The following MTMR8 variants were observed in gnomAD, a reference collection of about 807,000 sequenced individuals.
MTMR8 encodes the protein myotubularin related protein 8.
Under a neutral mutation model 39.3 loss-of-function variants are expected in MTMR8, and 65 were observed. That is an observed-to-expected ratio of 1.65 (90% CI 1.35 to 2.03). The LOEUF (loss-of-function observed/expected upper bound fraction) is 2.03. Among genes scored for constraint, MTMR8 ranks in the 30% most tolerant of loss-of-function variants. The pLI, the probability that MTMR8 is intolerant of heterozygous loss-of-function variation, is 0.00. For synonymous variants in MTMR8, 245 were observed against 185.2 expected, an observed-to-expected ratio of 1.32 and a Z score of -2.62; for missense variants, 777 against 538.9, an observed-to-expected ratio of 1.44 and a Z score of -4.37.
intron 12 of MTMR8, among the ~76,000 whole-genome samples, chrX:64,275,240 T>C (rs1931845760): frequency 2.7e-5 from 3 of 111,197 alleles, no homozygotes; most frequent in Admixed American, 1.9e-4. Flanking sequence ...ATTATAGTGA[T>C]AATTTATAGT....
At position 64,268,500 on chromosome X, in the gene MTMR8, C is replaced by T. The variant is rs761005800; in HGVS notation, c.*37G>A. ...TCTGGGACAAGAATCATTGTAGCTGCTGTAGGTATACCTAGCATGGAAGAT... is the reference window on the plus strand; with the variant it reads ...TCTGGGACAAGAATCATTGTAGCTGTTGTAGGTATACCTAGCATGGAAGAT... On this transcript the variant is annotated 3_prime_UTR_variant, in exon 14 of 14. Transcript: ENST00000374852. 1 of 1,168,908 alleles carries T rather than the reference C, an allele frequency of 8.6e-7. No individual in the cohort carries two copies. Among genetic ancestry groups the T allele is most frequent in the Non-Finnish European group, 1.1e-6 (1 of 875,213 alleles).
chrX:64,387,465 A>T (rs1015805864), intron 1 of MTMR8, among the ~76,000 whole-genome samples: 2 of 110,779 alleles, frequency 1.8e-5, no homozygotes, highest in Non-Finnish European at 3.8e-5. Context: ...TCCAGGCTGA[A>T]CTTCCTCTAT....
chrX:64,314,806 C>A (rs906351550), intron 12 of MTMR8, among the ~76,000 whole-genome samples: 2 of 111,913 alleles, frequency 1.8e-5, no homozygotes, highest in Admixed American at 1.9e-4. Context: ...GGTACGTGAC[C>A]TCGGGGGCCA....
chrX:64,274,356 A>T (rs1476996362), intron 12 of MTMR8, among the ~76,000 whole-genome samples: 1 of 112,404 alleles, frequency 8.9e-6, no homozygotes, highest in Non-Finnish European at 1.9e-5. Context: ...ACTCTTAAAC[A>T]ACCAATGGGT....
At chrX:64,376,236 T>A (rs1033455716) in intron 1 of MTMR8, among the ~76,000 whole-genome samples, 2 of 112,292 alleles carry the variant, frequency 1.8e-5, no homozygotes, top group Admixed American at 1.9e-4. Flanking sequence ...CCTGAAAATG[T>A]GGAAGCAGCT....
At chrX:64,334,461 T>C (rs1358122662) in intron 10 of MTMR8, among the ~76,000 whole-genome samples, 2 of 108,459 alleles carry the variant, frequency 1.8e-5, no homozygotes, top group African/African-American at 6.7e-5. Flanking sequence ...TTCTACATGC[T>C]GTCAGAGGGA....
At chrX:64,320,729 T>A (rs1427948571) in intron 12 of MTMR8, among the ~76,000 whole-genome samples, 1 of 110,917 alleles carries the variant, frequency 9.0e-6, no homozygotes, top group African/African-American at 3.3e-5. Flanking sequence ...GGAGGTCAGA[T>A]ACATGCTGAG....
At chrX:64,368,658 A>G (rs1448383470) in intron 1 of MTMR8, among the ~76,000 whole-genome samples, 1 of 112,341 alleles carries the variant, frequency 8.9e-6, no homozygotes, top group Non-Finnish European at 1.9e-5. Context: ...TAAAAACCCT[A>G]GAAGAAAACC....
chrX:64,327,377 T>C (rs1383183762), intron 12 of MTMR8, among the ~76,000 whole-genome samples: 2 of 111,807 alleles, frequency 1.8e-5, no homozygotes. Context: ...AAGATCTGAA[T>C]AGATACTTTT....
chrX:64,364,651 G>C (rs1178801387), intron 1 of MTMR8, among the ~76,000 whole-genome samples: 5 of 111,857 alleles, frequency 4.5e-5, no homozygotes, highest in African/African-American at 1.6e-4. Flanking sequence ...CCACAAAGAT[G>C]GGGAGAAACC....
chrX:64,284,987 A>G (rs907300714), intron 12 of MTMR8, among the ~76,000 whole-genome samples: 1 of 112,112 alleles, frequency 8.9e-6, no homozygotes, highest in Non-Finnish European at 1.9e-5. Context: ...TTAACCTTAA[A>G]TGTAAATGGG....
intron 12 of MTMR8, among the ~76,000 whole-genome samples, chrX:64,323,741 G>T (rs949104454): frequency 1.3e-4 from 14 of 111,791 alleles, no homozygotes; most frequent in African/African-American, 4.2e-4. Context: ...TATAAAACTA[G>T]AAATCAGTAA....
intron 12 of MTMR8, among the ~76,000 whole-genome samples, chrX:64,284,522 T>G (rs1000022310): frequency 9.0e-5 from 10 of 111,282 alleles, no homozygotes; most frequent in Middle Eastern, 4.2e-3. Flanking sequence ...CACATAATTG[T>G]CAGATTCATC....
chrX:64,369,778 A>T (rs778381352), intron 1 of MTMR8, among the ~76,000 whole-genome samples: 1 of 111,537 alleles, frequency 9.0e-6, no homozygotes. Context: ...AAAAAAAATT[A>T]TCCAGTCTCA....
chrX:64,308,186 A>T (rs1313108702), intron 12 of MTMR8, among the ~76,000 whole-genome samples: 2 of 110,966 alleles, frequency 1.8e-5, no homozygotes, highest in African/African-American at 6.5e-5. Flanking sequence ...ATTAGCTAAG[A>T]ATTCAAAAAA....
intron 1 of MTMR8, among the ~76,000 whole-genome samples, chrX:64,371,130 T>C (rs1377318519): frequency 8.9e-6 from 1 of 112,118 alleles, no homozygotes; most frequent in African/African-American, 3.2e-5. Flanking sequence ...CCAGCCTAAG[T>C]GAGACAGCAA....
chrX:64,379,075 C>T (rs771126425), intron 1 of MTMR8, among the ~76,000 whole-genome samples: 6 of 111,910 alleles, frequency 5.4e-5, no homozygotes, highest in Non-Finnish European at 9.4e-5. Flanking sequence ...TACCAAAACT[C>T]ATACAAGGAG....
chrX:64,285,430 C>T (rs1275184719), intron 12 of MTMR8, among the ~76,000 whole-genome samples: 1 of 111,180 alleles, frequency 9.0e-6, no homozygotes, highest in Admixed American at 9.6e-5. Context: ...AGAAAGTTCA[C>T]AAGGATATCC....
chrX:64,321,714 C>T (rs776190390), intron 12 of MTMR8, among the ~76,000 whole-genome samples: 1 of 111,857 alleles, frequency 8.9e-6, no homozygotes, highest in Non-Finnish European at 1.9e-5. Flanking sequence ...AGACATTAAT[C>T]TACATATCTA....
Sources: allele counts gnomAD v4.1 joint callset (sites outside exome capture counted in the v4.1 genomes callset), GRCh38; gene constraint gnomAD v4.1.1; transcripts MANE v1.5; gene names NCBI Gene and HGNC (gene_info 2026-07-23, HGNC 2026-07-21).